The following RDX variants were observed in gnomAD, a reference collection of about 807,000 sequenced individuals.
RDX encodes radixin.
A neutral mutation model predicts 83.7 loss-of-function variants in RDX; 32 were observed. That is an observed-to-expected ratio of 0.38 (90% confidence interval 0.29 to 0.51). RDX has a LOEUF of 0.51. Ranked by LOEUF, RDX falls within the 20% of genes least tolerant of loss-of-function variation. RDX has a pLI of 0.87. For synonymous variants in RDX, 229 were observed against 222.7 expected (o/e 1.03, Z -0.25); for missense variants, 600 against 689.9 (o/e 0.87, Z 1.46).
chr11:110,272,015 T>G (rs551919068), intron 3 of RDX, among the ~76,000 whole-genome samples: 4 of 152,344 alleles, frequency 2.6e-5, no homozygotes, highest in Admixed American at 2.0e-4. Flanking sequence ...ACCTTCAGCC[T>G]ATGTGTATAA....
At chr11:110,234,112 T>G (rs888372138) in intron 12 of RDX, among the ~76,000 whole-genome samples, 3 of 152,194 alleles carry the variant, frequency 2.0e-5, no homozygotes, top group Admixed American at 6.5e-5. Flanking sequence ...TACTCCAGTT[T>G]AGATGTTCAA....
intron 14 of RDX, among the ~76,000 whole-genome samples, chr11:110,209,456 G>T (rs2134252307): frequency 6.6e-6 from 1 of 152,338 alleles, no homozygotes; most frequent in Non-Finnish European, 1.5e-5. Flanking sequence ...AAACAAAGCA[G>T]CCGGGAAGCT....
chr11:110,278,110 A>C (rs1205608067), intron 2 of RDX, among the ~76,000 whole-genome samples: 1 of 152,158 alleles, frequency 6.6e-6, no homozygotes, highest in African/African-American at 2.4e-5. Flanking sequence ...ACATATGTGT[A>C]TATGTGTGTT....
exon 15 of RDX, chr11:110,199,583 A>G: frequency 1.4e-6 from 1 of 703,000 alleles, no homozygotes; most frequent in East Asian, 2.7e-5. Context: ...GTACTTACCT[A>G]GTGAGGGAGG....
intron 1 of RDX, among the ~76,000 whole-genome samples, chr11:110,281,241 G>A (rs1405707106): frequency 6.6e-6 from 1 of 152,048 alleles, no homozygotes; most frequent in Non-Finnish European, 1.5e-5. Context: ...TGAAATTTAG[G>A]TAAGGCCATT....
chr11:110,272,655 G>A (rs776826047), intron 2 of RDX, 36 bp from the exon 3 acceptor site: 1 of 1,372,954 alleles, frequency 7.3e-7, no homozygotes, highest in Non-Finnish European at 1.0e-6. Flanking sequence ...AAGTAGAAGA[G>A]AAGTTATTAG....
chr11:110,287,000 C>G (rs1216137455), intron 1 of RDX: 13 of 152,012 alleles, frequency 8.6e-5, no homozygotes, highest in Admixed American at 8.5e-4. Flanking sequence ...AAACACAAAC[C>G]TTGAGTAATA....
intron 14 of RDX, among the ~76,000 whole-genome samples, chr11:110,210,842 C>A (rs1364306850): frequency 6.6e-6 from 1 of 151,968 alleles, no homozygotes; most frequent in Non-Finnish European, 1.5e-5. Flanking sequence ...GAAGGAAGCA[C>A]TAAACATGGA....
chr11:110,264,333 T>G, intron 4 of RDX, 99 bp from the exon 5 acceptor site: 1 of 809,568 alleles, frequency 1.2e-6, no homozygotes, highest in Non-Finnish European at 1.9e-6. Context: ...TGAAGTGAAA[T>G]AGATTCTAAA....
intron 10 of RDX, among the ~76,000 whole-genome samples, chr11:110,244,964 G>A (rs1399177002): frequency 7.3e-6 from 1 of 136,312 alleles, no homozygotes; most frequent in East Asian, 2.2e-4. Context: ...GTACTTCAAA[G>A]TTTTTTTTTT....
chr11:110,288,395 A>C (rs45523632), intron 1 of RDX: 35 of 152,346 alleles, frequency 2.3e-4, no homozygotes, highest in African/African-American at 5.8e-4. Flanking sequence ...CTAAAAGGTA[A>C]GAAAGCTAAA....
intron 3 of RDX, among the ~76,000 whole-genome samples, chr11:110,269,991 G>A (rs767070131): frequency 9.6e-4 from 146 of 152,192 alleles, no homozygotes; most frequent in Non-Finnish European, 1.5e-3. Context: ...ACAGTGAGCC[G>A]AGATCGCACC....
intron 1 of RDX, among the ~76,000 whole-genome samples, chr11:110,280,633 G>A (rs1280764835): frequency 6.6e-6 from 1 of 152,196 alleles, no homozygotes; most frequent in East Asian, 1.9e-4. Flanking sequence ...AACAGGCAAA[G>A]CTCTGCACAC....
In RDX at chr11:110,263,989, G is replaced by A; in HGVS notation, c.438C>T (p.Tyr146=). Residue 146 remains tyrosine, a synonymous_variant, in exon 5 of 14, where the codon TAC becomes TAT. Coordinates refer to ENST00000645495, the MANE Select transcript of RDX (RefSeq NM_002906.4). The part of the protein sequence containing the change: ...DYNKEIHKPG[Y]LANDRLLPQR... ...GGGGTAGGAGTCTATCATTAGCCAG[G>A]TAGCCTGGCTTATGAATCTCTTTAT... 6.2e-7 allele frequency: 1 copy of A among 1,613,732 alleles called. No homozygotes were observed. The highest frequency in any genetic ancestry group is 1.1e-5 in the South Asian group (1 of 91,052).
At chr11:110,246,935 T>C (rs748644749) in intron 10 of RDX, among the ~76,000 whole-genome samples, 1 of 152,212 alleles carries the variant, frequency 6.6e-6, no homozygotes, top group Non-Finnish European at 1.5e-5. Context: ...AGCAGATTAT[T>C]AAATAGAGCT....
In RDX at chr11:110,272,533, T is replaced by C; in HGVS notation, c.96+3A>G. 6.2e-7 allele frequency: 1 copy of C among 1,601,230 alleles called. No individual in the cohort carries two copies. Among genetic ancestry groups the C allele is most frequent in the Non-Finnish European group, 8.5e-7 (1 of 1,169,696 alleles). ...AAGTTGCATATTTCATGCAGTGTAA[T>C]ACCTGGTCAAAAAGTTGTTTGCCAG... On this transcript the variant is annotated splice_donor_region_variant and intron_variant, in intron 3 of 13. Transcript: ENST00000645495.
chr11:110,271,080 T>C (rs1167779704), intron 3 of RDX, among the ~76,000 whole-genome samples: 1 of 152,206 alleles, frequency 6.6e-6, no homozygotes, highest in Non-Finnish European at 1.5e-5. Context: ...CTCTTTATGA[T>C]TTTGCTTTAA....
At chr11:110,274,973 A>G (rs1860454429) in intron 2 of RDX, among the ~76,000 whole-genome samples, 1 of 152,224 alleles carries the variant, frequency 6.6e-6, no homozygotes, top group East Asian at 1.9e-4. Flanking sequence ...CTTTTACCAC[A>G]TAATGCTGAA....
chr11:110,188,285 A>G (rs772197181), intron 15 of RDX, among the ~76,000 whole-genome samples: 5 of 144,084 alleles, frequency 3.5e-5, no homozygotes, highest in Non-Finnish European at 6.0e-5. Flanking sequence ...CAAGAGCGAG[A>G]CTCTGTCTCA....
Sources: allele counts gnomAD v4.1 joint callset (sites outside exome capture counted in the v4.1 genomes callset), GRCh38; gene constraint gnomAD v4.1.1; transcripts MANE v1.5; gene names NCBI Gene and HGNC (gene_info 2026-07-23, HGNC 2026-07-21).